Variants in AKAP12 observed in about 807,000 individuals in gnomAD.
AKAP12 encodes the protein A-kinase anchor protein 12.
A neutral mutation model predicts 79.9 loss-of-function variants in AKAP12; 32 were observed. The ratio of observed to expected loss-of-function variants is 0.40; its 90% CI spans 0.30 to 0.54. AKAP12 has a LOEUF of 0.54. AKAP12 is among the 20% of genes least tolerant of loss of function. The probability of loss-of-function intolerance (pLI) is 0.48; values close to 1 mark genes in which losing one functional copy is unlikely to be tolerated. For missense variants in AKAP12, 2,074 were observed against 2,177.0 expected (o/e 0.95, Z 0.94); for synonymous variants, 808 against 857.0 (o/e 0.94, Z 1.00).
chr6:151,289,933 T>G (rs1394394117), intron 2 of AKAP12, among the ~76,000 whole-genome samples: 1 of 152,216 alleles, frequency 6.6e-6, no homozygotes, highest in Non-Finnish European at 1.5e-5. Context: ...AATTCTTTCC[T>G]CCTTGGGTAA....
Position 151,351,214 on chromosome 6 carries a change from A to G in AKAP12, c.2823A>G (p.Val941=). Residue 941 remains valine, a synonymous_variant, in exon 4 of 5, where the codon GTA becomes GTG. Transcript: ENST00000402676. The surrounding 1 kb of genome is among the most constrained non-coding windows in gnomAD (Gnocchi z 4.4). ...CTGAGGAGGTATTGGAAAGAGAAGT[A>G]ATTGCAGAAGAAGAACCCCCCACGG... ...LLTEEVLERE[V]IAEEEPPTVT... The G allele has an allele frequency of 6.2e-7, 1 of 1,614,242 alleles. No individual in the cohort carries two copies. Among genetic ancestry groups the G allele is most frequent in the South Asian group, 1.1e-5 (1 of 91,084 alleles).
At chr6:151,324,497 C>A (rs1777476817) in intron 3 of AKAP12, 18 of 985,336 alleles carry the variant, frequency 1.8e-5, no homozygotes, top group Non-Finnish European at 1.9e-5. Flanking sequence ...TCTCCTGTTC[C>A]TCGCCCACCC....
At chr6:151,314,253 C>A (rs748658402) in intron 3 of AKAP12, among the ~76,000 whole-genome samples, 1 of 152,102 alleles carries the variant, frequency 6.6e-6, no homozygotes, top group East Asian at 1.9e-4. Context: ...GTCTCAAACT[C>A]GTAACCTCAA....
chr6:151,334,622 C>CTT (rs201525210), intron 3 of AKAP12, among the ~76,000 whole-genome samples: 2 of 142,326 alleles, frequency 1.4e-5, no homozygotes. Flanking sequence ...TGCATCTCAA[C>CTT]TTTTTTTTTT....
rs538691491 is a variant in AKAP12 at position 151,276,375 on chromosome 6, A to C, written c.163-29372A>C. On this transcript the variant is annotated intron_variant, in intron 2 of 4. Coordinates refer to ENST00000402676, the MANE Select transcript of AKAP12 (RefSeq NM_005100.4). ...GCAAATTTAGATTCCTTCCTCCAGG[A>C]ATTTGCTTCATGTTTGAAAGTGATT... Among the ~76,000 whole-genome samples the C allele has an allele frequency of 2.0e-5, 3 of 152,244 alleles. No individual in the cohort carries two copies. The East Asian group carries it at 5.8e-4, about 29-fold the overall frequency.
chr6:151,255,717 G>A (rs750549698), intron 2 of AKAP12, among the ~76,000 whole-genome samples: 3 of 152,084 alleles, frequency 2.0e-5, no homozygotes, highest in Non-Finnish European at 4.4e-5. Context: ...TTGAGCCAGG[G>A]AGGTCTGGGC....
At chr6:151,329,948 A>G (rs185495688) in intron 3 of AKAP12, among the ~76,000 whole-genome samples, 6 of 152,324 alleles carry the variant, frequency 3.9e-5, no homozygotes, top group Non-Finnish European at 8.8e-5. Context: ...CTCGTTGTGA[A>G]GATGCTAATA....
At chr6:151,312,989 G>A (rs955374230) in intron 3 of AKAP12, among the ~76,000 whole-genome samples, 25 of 152,252 alleles carry the variant, frequency 1.6e-4, no homozygotes, top group Admixed American at 8.5e-4. Flanking sequence ...TTCAGTTGGA[G>A]TTCACAGTAT....
At chr6:151,300,670 C>G (rs940344238) in intron 2 of AKAP12, among the ~76,000 whole-genome samples, 2 of 151,582 alleles carry the variant, frequency 1.3e-5, no homozygotes, top group African/African-American at 4.8e-5. Flanking sequence ...GTTGTTCTTA[C>G]AGAAATGAGA....
chr6:151,345,092 G>A (rs1044156284), intron 3 of AKAP12, among the ~76,000 whole-genome samples: 21 of 150,748 alleles, frequency 1.4e-4, no homozygotes, highest in Non-Finnish European at 2.5e-4. Flanking sequence ...TTTTTTTTGG[G>A]GGGGACAGAG....
intron 3 of AKAP12, among the ~76,000 whole-genome samples, chr6:151,328,540 G>T (rs552077880): frequency 7.3e-4 from 110 of 151,492 alleles, no homozygotes; most frequent in African/African-American, 2.4e-3. Flanking sequence ...GGGAGGCTGA[G>T]GCAGGAGAAT....
In AKAP12 at chr6:151,321,860, C is replaced by G. The variant is rs562902029; in HGVS notation, c.319+15957C>G. ...TGTTATTGTGGTCTTCCTTGCCCCCCGCCACCTGCCCCTGTTTTTTAAACC... is the reference window on the plus strand; with the variant it reads ...TGTTATTGTGGTCTTCCTTGCCCCCGGCCACCTGCCCCTGTTTTTTAAACC... On this transcript the variant is annotated intron_variant, in intron 3 of 4. Transcript: ENST00000402676. Among the ~76,000 whole-genome samples, 16 of 151,610 alleles carry G rather than the reference C, an allele frequency of 1.1e-4. No individual in the cohort carries two copies. In the South Asian group the frequency reaches 2.7e-3, roughly 26 times the overall value.
chr6:151,300,467 C>T (rs1020497592), intron 2 of AKAP12, among the ~76,000 whole-genome samples: 1 of 152,152 alleles, frequency 6.6e-6, no homozygotes, highest in African/African-American at 2.4e-5. Flanking sequence ...GGCTTACCTC[C>T]TCTGCCCCTG....
At position 151,247,131 on chromosome 6, in the gene AKAP12, G is replaced by A. The variant is rs565065619; in HGVS notation, c.162+6407G>A. Among the ~76,000 whole-genome samples, 9 of 151,896 alleles carry A rather than the reference G, an allele frequency of 5.9e-5. No homozygotes were observed. In the South Asian group the frequency reaches 1.7e-3, roughly 28 times the overall value. On this transcript the variant is annotated intron_variant, in intron 2 of 4. Transcript: ENST00000402676. The stretch of plus-strand genomic sequence containing the variant: ...AAGATTTTTTTTTCTAGCCAGGTGT[G>A]GGGGCTCACACCTGTAATCTCAGCA...
In AKAP12 at chr6:151,352,520, A is replaced by G. The variant is rs754963783; in HGVS notation, c.4129A>G (p.Thr1377Ala). The G allele has an allele frequency of 6.2e-7, 1 of 1,614,206 alleles. No individual in the cohort carries two copies. Among genetic ancestry groups the G allele is most frequent in the East Asian group, 2.2e-5 (1 of 44,876 alleles). Residue 1377 changes from threonine to alanine, a missense_variant, in exon 4 of 5, where the codon ACA (threonine) becomes GCA (alanine). Thr to Ala is a moderately conservative substitution (Grantham distance 58). Transcript: ENST00000402676. ...SEEVSKQLLQTVNVPIIDGAK... is the reference protein window; with the variant it reads ...SEEVSKQLLQAVNVPIIDGAK... ...AGAGGTCAGTAAGCAGCTCCTCCAG[A>G]CAGTGAATGTGCCCATCATAGATGG...
At chr6:151,348,597 C>A in intron 3 of AKAP12, 114 bp from the exon 4 acceptor site, 1 of 771,492 alleles carries the variant, frequency 1.3e-6, no homozygotes, top group Non-Finnish European at 2.1e-6. Flanking sequence ...CGAGACCACA[C>A]CACTGCCCTC....
chr6:151,241,102 G>A (rs529556150), intron 2 of AKAP12, among the ~76,000 whole-genome samples: 44 of 152,342 alleles, frequency 2.9e-4, no homozygotes, highest in Non-Finnish European at 5.6e-4. Flanking sequence ...AATGGACCCC[G>A]GGCCGGGCCT....
rs140297892 is a variant in AKAP12, at chr6:151,291,857, G to T, written c.163-13890G>T. On this transcript the variant is annotated intron_variant, in intron 2 of 4. Coordinates refer to ENST00000402676, the MANE Select transcript of AKAP12 (RefSeq NM_005100.4). ...AAGTCACTTGGGATGGCTTAACATAGCTCATCCCTGCCAGCTGACTTGTGG... is the reference window on the plus strand; with the variant it reads ...AAGTCACTTGGGATGGCTTAACATATCTCATCCCTGCCAGCTGACTTGTGG... Among the ~76,000 whole-genome samples the T allele has an allele frequency of 9.2e-5, 14 of 152,124 alleles. 1 individual carries two copies. The East Asian group carries it at 1.7e-3, about 19-fold the overall frequency.
chr6:151,307,958 C>G (rs534361285), intron 3 of AKAP12, among the ~76,000 whole-genome samples: 1 of 151,834 alleles, frequency 6.6e-6, no homozygotes, highest in Non-Finnish European at 1.5e-5. Context: ...TCTGCCTCCC[C>G]GCGCACATCC....
Sources: allele counts gnomAD v4.1 joint callset (sites outside exome capture counted in the v4.1 genomes callset), GRCh38; gene constraint gnomAD v4.1.1; non-coding constraint Gnocchi (gnomAD v3.1); transcripts MANE v1.5; gene names NCBI Gene and HGNC (gene_info 2026-07-23, HGNC 2026-07-21).